UNC79: variants seen among roughly 807,000 people sequenced by gnomAD.
UNC79 encodes protein unc-79 homolog.
UNC79 carries 37 observed loss-of-function variants against 283.1 expected under a neutral mutation model. The observed-to-expected ratio is 0.13, with a 90% CI of 0.10 to 0.17. The LOEUF is 0.17. UNC79 is among the 10% of genes least tolerant of loss of function. UNC79 has a pLI of 1.00. For synonymous variants in UNC79, 1,107 were observed against 1,200.2 expected (o/e 0.92, Z 1.61); for missense variants, 2,272 against 3,211.1 (o/e 0.71, Z 7.07).
chr14:93,380,707 G>A (rs2054649201), intron 1 of UNC79, among the ~76,000 whole-genome samples: 1 of 152,178 alleles, frequency 6.6e-6, no homozygotes, highest in African/African-American at 2.4e-5. Flanking sequence ...GTGGTATATA[G>A]AAGGTACTCA....
At chr14:93,476,415 A>G (rs1252105701) in intron 3 of UNC79, among the ~76,000 whole-genome samples, 3 of 152,196 alleles carry the variant, frequency 2.0e-5, no homozygotes, top group South Asian at 4.1e-4. Context: ...GGTGTCTTGT[A>G]TGCACAGCTT....
At chr14:93,628,070 A>G (rs886983201) in intron 30 of UNC79, among the ~76,000 whole-genome samples, 2 of 152,192 alleles carry the variant, frequency 1.3e-5, no homozygotes, top group Admixed American at 6.5e-5. Flanking sequence ...TATTACCTTC[A>G]TGTCCTCTCA....
Position 93,516,155 on chromosome 14 carries a change from T to G in UNC79, c.899-7823T>G, listed in dbSNP as rs75229336. 5.8e-3 allele frequency among the ~76,000 whole-genome samples: 880 copies of G among 152,224 alleles called. 10 individuals carry two copies. Among genetic ancestry groups the G allele is most frequent in the African/African-American group, 0.02 (833 of 41,560 alleles). ...TGAATAATAATTAACCATATATGTA[T>G]GTGTCTATTTCTAAACTCTCTATTT... On this transcript the variant is annotated intron_variant, in intron 7 of 48. Transcript: ENST00000555664.
chr14:93,584,605 T>C (rs113229321), intron 20 of UNC79, among the ~76,000 whole-genome samples: 1,582 of 152,346 alleles, frequency 0.01, 34 homozygotes, highest in African/African-American at 0.036. Context: ...AATATATTTT[T>C]TAAACCTAAG....
chr14:93,608,119 C>T (rs922019926), intron 26 of UNC79, among the ~76,000 whole-genome samples: 3 of 152,134 alleles, frequency 2.0e-5, no homozygotes, highest in Admixed American at 1.3e-4. Flanking sequence ...CTCAGCCTCC[C>T]GAGTAGCTTG....
Position 93,690,023 on chromosome 14 carries a change from A to G in UNC79, c.7086-94A>G. 7.1e-7 allele frequency: 1 copy of G among 1,403,002 alleles called. No homozygotes were observed. The highest frequency in any genetic ancestry group is 9.8e-7 in the Non-Finnish European group (1 of 1,023,536). 86.9% of individuals were successfully genotyped at this position (1,403,002 alleles called of 1,614,324 possible). A position where few individuals can be genotyped will look rare whatever the true frequency, so the allele number is the denominator to read the frequency against. On this transcript the variant is annotated intron_variant, in intron 44 of 48. Transcript: ENST00000555664. The surrounding 1 kb of genome is among the most constrained non-coding windows in gnomAD (Gnocchi z 4.3). ...GTTTTATGTGATTGCCTGCAAGACC[A>G]CACTTTCAATCCCTTCCTTCAATAA...
chr14:93,576,790 AG>A (rs111455148), intron 17 of UNC79, among the ~76,000 whole-genome samples: 14,673 of 152,034 alleles, frequency 0.097, 2,337 homozygotes, highest in African/African-American at 0.33. Flanking sequence ...GGGCAGGGAG[AG>A]GGGAGAAATA....
intron 42 of UNC79, 77 bp downstream of exon 45, chr14:93,682,771 A>G: frequency 6.9e-7 from 1 of 1,455,078 alleles, no homozygotes. Context: ...CTTTAGACTT[A>G]CATCAGGGTT....
At chr14:93,453,969 A>C (rs1455397524) in intron 1 of UNC79, among the ~76,000 whole-genome samples, 1 of 152,040 alleles carries the variant, frequency 6.6e-6, no homozygotes, top group Non-Finnish European at 1.5e-5. Flanking sequence ...AGGGGAATAA[A>C]TTGTTTTTCC....
chr14:93,414,254 A>C (rs1376581884), intron 1 of UNC79, among the ~76,000 whole-genome samples: 1 of 152,196 alleles, frequency 6.6e-6, no homozygotes, highest in East Asian at 1.9e-4. Context: ...ATGGCTAGCC[A>C]GTTTTCCCAG....
Position 93,523,126 on chromosome 14 carries a change from G to A in UNC79, c.899-852G>A, listed in dbSNP as rs369008546. On this transcript the variant is annotated intron_variant, in intron 7 of 48. Coordinates refer to ENST00000555664, the Ensembl canonical transcript of UNC79. ...TTTCAAGCATATAAACCCCTTACAT[G>A]TTTTTAATGATGGAATATTGTTAGC... Among the ~76,000 whole-genome samples the A allele has an allele frequency of 3.9e-5, 6 of 152,226 alleles. No individual in the cohort carries two copies. In the East Asian group the frequency reaches 9.6e-4, roughly 24 times the overall value.
At chr14:93,670,748 T>G (rs1418946487) in intron 40 of UNC79, among the ~76,000 whole-genome samples, 1 of 152,332 alleles carries the variant, frequency 6.6e-6, no homozygotes, top group South Asian at 2.1e-4. Context: ...GTGGGGCTGA[T>G]AGCCCCAACT....
At chr14:93,492,215 A>G (rs2058760377) in intron 5 of UNC79, among the ~76,000 whole-genome samples, 1 of 152,222 alleles carries the variant, frequency 6.6e-6, no homozygotes, top group Non-Finnish European at 1.5e-5. Flanking sequence ...TTAGTTAACA[A>G]TGTAATGTAG....
chr14:93,534,952 T>C (rs2061001022), intron 11 of UNC79, among the ~76,000 whole-genome samples: 1 of 152,238 alleles, frequency 6.6e-6, no homozygotes, highest in African/African-American at 2.4e-5. Flanking sequence ...TTCAGAATTG[T>C]ATGAGCTTGC....
intron 27 of UNC79, among the ~76,000 whole-genome samples, chr14:93,613,323 TGAGA>T (rs949420030): frequency 3.8e-4 from 57 of 149,190 alleles, no homozygotes; most frequent in South Asian, 1.7e-3. Context: ...TGTGTGTGTG[TGAGA>T]GAGAGAGAGA....
chr14:93,575,328 C>T (rs1025089928), intron 17 of UNC79, 130 bp downstream of exon 17: 22 of 1,031,772 alleles, frequency 2.1e-5, no homozygotes, highest in Non-Finnish European at 3.1e-5. Flanking sequence ...CTGTGTTCAT[C>T]TTTTAAGTGC....
At chr14:93,372,724 G>T (rs575859590) in intron 1 of UNC79, among the ~76,000 whole-genome samples, 1 of 152,174 alleles carries the variant, frequency 6.6e-6, no homozygotes, top group African/African-American at 2.4e-5. Flanking sequence ...TATATTTGGA[G>T]ACTTCAATAC....
chr14:93,574,952 T>G (rs2141651870), intron 16 of UNC79, 106 bp from the exon 17 acceptor site: 1 of 1,212,472 alleles, frequency 8.2e-7, no homozygotes, highest in Non-Finnish European at 1.1e-6. Flanking sequence ...AGGCTAATTA[T>G]CCTTATGTTC....
chr14:93,632,889 C>T (rs1270425184), intron 31 of UNC79, among the ~76,000 whole-genome samples: 1 of 151,802 alleles, frequency 6.6e-6, no homozygotes, highest in Non-Finnish European at 1.5e-5. Flanking sequence ...CACCTTTCTC[C>T]TCCTTGCCAT....
Sources: allele counts gnomAD v4.1 joint callset (sites outside exome capture counted in the v4.1 genomes callset), GRCh38; gene constraint gnomAD v4.1.1; non-coding constraint Gnocchi (gnomAD v3.1); transcripts MANE v1.5; gene names NCBI Gene and HGNC (gene_info 2026-07-23, HGNC 2026-07-21).